The following CNTLN variants were observed in gnomAD, a reference collection of about 807,000 sequenced individuals.
CNTLN encodes the protein centlein, also known as centlein, centrosomal protein.
Under a neutral mutation model 180.0 loss-of-function variants are expected in CNTLN, and 212 were observed. That is an observed-to-expected ratio of 1.18 (90% CI 1.05 to 1.32). The LOEUF is 1.32. Ranked by LOEUF, CNTLN falls within the 40% of genes most tolerant of loss-of-function variation. The pLI is 0.00. For missense variants in CNTLN, 2,095 were observed against 1,610.9 expected (o/e 1.30, Z -5.14); for synonymous variants, 722 against 563.1 (o/e 1.28, Z -3.99).
At chr9:17,249,074 T>G (rs2132258720) in intron 5 of CNTLN, among the ~76,000 whole-genome samples, 1 of 152,182 alleles carries the variant, frequency 6.6e-6, no homozygotes, top group East Asian at 1.9e-4. Context: ...ATTTCAACTC[T>G]AATATTCATT....
chr9:17,394,830 C>T lies in CNTLN; in HGVS notation c.2376C>T (p.Ile792=), dbSNP rs1351855448. Residue 792 remains isoleucine, a synonymous_variant, in exon 15 of 26, where the codon ATC becomes ATT. Coordinates refer to ENST00000380647, the MANE Select transcript of CNTLN (RefSeq NM_017738.4). ...NALRNENEEL[I]NPMEKSHQSA... is the part of the protein sequence containing the mutation. ...TGAGAAATGAAAATGAAGAGCTGATCAACCCAATGGAGAAATCACACCAGT... is the reference window on the plus strand; with the variant it reads ...TGAGAAATGAAAATGAAGAGCTGATTAACCCAATGGAGAAATCACACCAGT... The T allele has an allele frequency of 2.5e-6, 4 of 1,613,764 alleles. No individual in the cohort carries two copies. The East Asian group carries it at 8.9e-5, about 36-fold the overall frequency.
the CNTLN span, among the ~76,000 whole-genome samples, chr9:17,528,054 C>T: frequency 6.6e-6 from 1 of 151,842 alleles, no homozygotes; most frequent in African/African-American, 2.4e-5. Context: ...ATAGACAAGT[C>T]TCCCAAGCAG....
At chr9:17,243,813 C>T (rs1159076668) in intron 5 of CNTLN, among the ~76,000 whole-genome samples, 1 of 152,106 alleles carries the variant, frequency 6.6e-6, no homozygotes. Context: ...GTGTAAATAT[C>T]TATTAGGTAC....
chr9:17,216,263 T>G (rs1385001222), intron 2 of CNTLN, among the ~76,000 whole-genome samples: 2 of 152,230 alleles, frequency 1.3e-5, no homozygotes, highest in Non-Finnish European at 2.9e-5. Flanking sequence ...ACTGGATTTG[T>G]AATCCTGGCT....
At position 17,394,879 on chromosome 9, in the gene CNTLN, A is replaced by G. The variant is rs553019050; in HGVS notation, c.2425A>G (p.Met809Val). 80 of 1,614,090 alleles carry G rather than the reference A, an allele frequency of 5.0e-5. No homozygotes were observed. The East Asian group carries it at 1.6e-3, about 33-fold the overall frequency. The change falls in exon 15 of 26, where the codon ATG (methionine) becomes GTG (valine). Residue 809 changes from methionine (M) to valine (V), a missense_variant. Met to Val is a conservative substitution (Grantham distance 21, BLOSUM62 1). Transcript: ENST00000380647. ...GTCAGCAGACAGAGCTAAATCCGAGATGGCCACCATGAAAGTGAGATCTGG... is the reference window on the plus strand; with the variant it reads ...GTCAGCAGACAGAGCTAAATCCGAGGTGGCCACCATGAAAGTGAGATCTGG... ...HQSADRAKSE[M>V]ATMKVRSGRY...
chr9:17,234,840 A>T (rs1825038238), intron 3 of CNTLN, among the ~76,000 whole-genome samples: 1 of 152,180 alleles, frequency 6.6e-6, no homozygotes, highest in Non-Finnish European at 1.5e-5. Context: ...AAAGTTGAAG[A>T]AGTTTAGGAA....
At chr9:17,355,713 G>T (rs1822781558) in intron 12 of CNTLN, among the ~76,000 whole-genome samples, 1 of 152,146 alleles carries the variant, frequency 6.6e-6, no homozygotes, top group Non-Finnish European at 1.5e-5. Context: ...GTATGATTAT[G>T]TGCAATAATT....
intron 1 of CNTLN, among the ~76,000 whole-genome samples, chr9:17,137,601 A>G (rs1217119281): frequency 6.6e-6 from 1 of 152,186 alleles, no homozygotes; most frequent in Non-Finnish European, 1.5e-5. Context: ...CTATTCCTTT[A>G]AAAAATGCTG....
At chr9:17,185,941 C>T (rs545505486) in intron 2 of CNTLN, among the ~76,000 whole-genome samples, 1 of 152,056 alleles carries the variant, frequency 6.6e-6, no homozygotes, top group South Asian at 2.1e-4. Flanking sequence ...TATAGGCGCG[C>T]ACCACCACAC....
At chr9:17,290,804 G>A (rs531600145) in intron 6 of CNTLN, among the ~76,000 whole-genome samples, 74 of 152,146 alleles carry the variant, frequency 4.9e-4, no homozygotes, top group Admixed American at 1.2e-3. Flanking sequence ...TCTTTGACTC[G>A]GAAAGGGAAC....
intron 6 of CNTLN, among the ~76,000 whole-genome samples, chr9:17,294,828 GC>G (rs1817716778): frequency 8.5e-5 from 2 of 23,594 alleles, no homozygotes; most frequent in Admixed American, 3.3e-4. Flanking sequence ...AGGGGGGAGG[GC>G]GGGGAGGAGG....
chr9:17,169,092 G>C (rs1268215117), intron 2 of CNTLN, among the ~76,000 whole-genome samples: 3 of 152,056 alleles, frequency 2.0e-5, no homozygotes, highest in Non-Finnish European at 4.4e-5. Flanking sequence ...CGAATCTCTG[G>C]GCTCAACTGA....
rs1457597486 is a variant in CNTLN, at chr9:17,290,294, G to A, written c.984-7896G>A. 4.0e-5 allele frequency among the ~76,000 whole-genome samples: 6 copies of A among 151,710 alleles called. No individual in the cohort carries two copies. In the South Asian group the frequency reaches 8.4e-4, roughly 21 times the overall value. ...TGTGAGGTGTCAGTCTGCCCCTGCT[G>A]GGGGGTGCCTCCCAGTTAGGCTGCT... On this transcript the variant is annotated intron_variant, in intron 6 of 25. Coordinates refer to ENST00000380647, the MANE Select transcript of CNTLN (RefSeq NM_017738.4).
intron 8 of CNTLN, among the ~76,000 whole-genome samples, chr9:17,320,298 A>G (rs371848589): frequency 1.4e-4 from 22 of 152,104 alleles, no homozygotes; most frequent in Admixed American, 5.2e-4. Context: ...AATATTTGCA[A>G]CCTCTAGAAG....
At chr9:17,347,854 CAG>C (rs1168080202) in intron 12 of CNTLN, among the ~76,000 whole-genome samples, 12 of 151,956 alleles carry the variant, frequency 7.9e-5, no homozygotes, top group Non-Finnish European at 1.0e-4. Flanking sequence ...TTTTTTGAGA[CAG>C]AGTCTCGCTC....
chr9:17,253,505 A>G (rs1826281906), intron 5 of CNTLN, among the ~76,000 whole-genome samples: 1 of 151,138 alleles, frequency 6.6e-6, no homozygotes, highest in South Asian at 2.1e-4. Context: ...AATCCCAGAT[A>G]TTTATTTGTG....
intron 12 of CNTLN, among the ~76,000 whole-genome samples, chr9:17,350,995 T>A (rs564489789): frequency 6.6e-6 from 1 of 152,284 alleles, no homozygotes; most frequent in East Asian, 1.9e-4. Context: ...CATAATTAAA[T>A]CAAAGACAGA....
chr9:17,451,186 A>G (rs890693553), intron 18 of CNTLN, among the ~76,000 whole-genome samples: 8 of 152,266 alleles, frequency 5.3e-5, no homozygotes, highest in African/African-American at 1.9e-4. Context: ...CATTAAGATT[A>G]TGGTGACTTT....
At position 17,294,143 on chromosome 9, in the gene CNTLN, A is replaced by T. The variant is rs1817617183; in HGVS notation, c.984-4047A>T. 2.0e-5 allele frequency among the ~76,000 whole-genome samples: 3 copies of T among 152,054 alleles called. No individual in the cohort carries two copies. In the South Asian group the frequency reaches 6.2e-4, roughly 31 times the overall value. Reference sequence around the variant, plus strand: ...GTGAAGCTGCAGACCTTCGAGTGTTACAGCTCATAAAGGCAGTGTGGATCC... The same window carrying T: ...GTGAAGCTGCAGACCTTCGAGTGTTTCAGCTCATAAAGGCAGTGTGGATCC... On this transcript the variant is annotated intron_variant, in intron 6 of 25. Transcript: ENST00000380647.
Sources: gnomAD v4.1 joint callset for allele counts (sites outside exome capture counted in the v4.1 genomes callset) on GRCh38, gnomAD v4.1.1 for gene constraint, MANE v1.5 for transcripts, NCBI Gene and HGNC (gene_info 2026-07-23, HGNC 2026-07-21) for gene names.